SCAF11: variants seen among roughly 807,000 people sequenced by gnomAD.
The protein encoded by SCAF11 is protein SCAF11.
SCAF11 carries 47 observed loss-of-function variants against 140.5 expected under a neutral mutation model. That is an observed-to-expected ratio of 0.33 (90% CI 0.26 to 0.43). The LOEUF (loss-of-function observed/expected upper bound fraction) is 0.43. SCAF11 is among the 20% of genes least tolerant of loss of function. SCAF11 has a pLI of 1.00. For missense variants in SCAF11, 1,645 were observed against 1,705.1 expected (o/e 0.96, Z 0.62); for synonymous variants, 557 against 579.4 (o/e 0.96, Z 0.55).
rs1180178809 is a variant in SCAF11 at position 45,923,134 on chromosome 12, A to G, written c.3927T>C (p.His1309=). The change falls in exon 13 of 15, where the codon CAT becomes CAC. Residue 1309 remains histidine (H), a synonymous_variant. Transcript: ENST00000369367. The stretch of plus-strand genomic sequence containing the variant: ...CTGGTGTACTCATGTTATTACTTAC[A>G]TGAGAAGAACTAGGAATACCCTGTT... The part of the protein sequence containing the change: ...KQLQGIPSSS[H]VSNNMSTPVL... The G allele has an allele frequency of 1.2e-6, 2 of 1,613,922 alleles. No homozygotes were observed. The highest frequency in any genetic ancestry group is 1.1e-5 in the South Asian group (1 of 91,084).
chr12:45,925,400 C>T (rs549640148), intron 11 of SCAF11, among the ~76,000 whole-genome samples: 1 of 152,040 alleles, frequency 6.6e-6, no homozygotes, highest in South Asian at 2.1e-4. Context: ...TAAAAAAATA[C>T]AAAAATTAGC....
At chr12:45,941,578 A>C (rs1018815820) in intron 6 of SCAF11, among the ~76,000 whole-genome samples, 2 of 152,096 alleles carry the variant, frequency 1.3e-5, no homozygotes, top group Non-Finnish European at 2.9e-5. Flanking sequence ...CCCGCTCCCA[A>C]AAACCACCAC....
chr12:45,928,647 T>C lies in SCAF11; in HGVS notation c.1054A>G (p.Ser352Gly), dbSNP rs1048311568. The change falls in exon 11 of 15, where the codon AGT (serine) becomes GGT (glycine). Residue 352 changes from serine (S) to glycine (G), a missense_variant. This residue lies in a region of SCAF11 where 1,582 missense variants were observed against 1,609.2 expected (regional missense o/e 0.98). Transcript: ENST00000369367. ...DNSGCDAPGN[S>G]NPSLSVPSSA... The stretch of plus-strand genomic sequence containing the variant: ...GAGGGAACACTTAAAGATGGATTAC[T>C]GTTACCTGGGGCATCACACCCAGAA... The C allele has an allele frequency of 1.9e-6, 3 of 1,614,180 alleles. No homozygotes were observed. Among genetic ancestry groups the C allele is most frequent in the African/African-American group, 1.3e-5 (1 of 75,046 alleles).
chr12:45,943,282 C>A (rs976931743), intron 6 of SCAF11, among the ~76,000 whole-genome samples: 14 of 151,890 alleles, frequency 9.2e-5, no homozygotes, highest in African/African-American at 3.1e-4. Flanking sequence ...CAAATGCAGC[C>A]CAAAAATATT....
chr12:45,950,426 T>G (rs961569217), intron 4 of SCAF11, among the ~76,000 whole-genome samples: 1 of 152,142 alleles, frequency 6.6e-6, no homozygotes, highest in East Asian at 1.9e-4. Context: ...AACTTTTAAG[T>G]AAAATACAAA....
At chr12:45,990,948 T>C (rs749482153), upstream of SCAF11, among the ~76,000 whole-genome samples, 3 of 152,356 alleles carry the variant, frequency 2.0e-5, no homozygotes, top group African/African-American at 2.4e-5. Flanking sequence ...CTGCCCTCCT[T>C]TGGCAGTTTT....
intron 1 of SCAF11, among the ~76,000 whole-genome samples, chr12:45,972,090 C>A (rs1946086263): frequency 6.6e-6 from 1 of 152,250 alleles, no homozygotes; most frequent in Non-Finnish European, 1.5e-5. Flanking sequence ...AAGCAGCATA[C>A]CACCGACTCT....
intron 5 of SCAF11, among the ~76,000 whole-genome samples, chr12:45,945,940 C>T (rs894257269): frequency 2.0e-5 from 3 of 152,150 alleles, no homozygotes; most frequent in African/African-American, 7.2e-5. Context: ...GATTCTCCCC[C>T]TCAGCCTCCC....
intron 6 of SCAF11, among the ~76,000 whole-genome samples, chr12:45,937,086 T>C (rs1373078298): frequency 6.6e-6 from 1 of 152,162 alleles, no homozygotes; most frequent in Non-Finnish European, 1.5e-5. Context: ...TATTTCTTCA[T>C]ATCTGGACAC....
Position 45,928,107 on chromosome 12 carries a change from G to A in SCAF11, c.1594C>T (p.Leu532Phe), listed in dbSNP as rs150090658. Residue 532 changes from leucine to phenylalanine, a missense_variant, in exon 11 of 15, where the codon CTT becomes TTT. Physicochemically the swap from Leu to Phe is conservative, Grantham distance 22 (BLOSUM62 0). Coordinates refer to ENST00000369367, the MANE Select transcript of SCAF11 (RefSeq NM_004719.3). ...TCTGTCTTTACCTCTGATTGTGAAA[G>A]TCCAGATATCTGGTCTTGCTTTTCC... is the stretch of plus-strand genomic sequence containing the variant. ...PLEKQDQISG[L>F]SQSEVKTDVC... The A allele has an allele frequency of 6.2e-7, 1 of 1,613,942 alleles. No homozygotes were observed. Among genetic ancestry groups the A allele is most frequent in the Non-Finnish European group, 8.5e-7 (1 of 1,179,986 alleles).
intron 6 of SCAF11, among the ~76,000 whole-genome samples, chr12:45,941,242 C>T (rs1234002152): frequency 6.6e-6 from 1 of 152,086 alleles, no homozygotes; most frequent in Non-Finnish European, 1.5e-5. Flanking sequence ...GTCGTAGACA[C>T]CTTACTTATC....
At chr12:45,990,685 G>T, upstream of SCAF11, 1 of 882,262 alleles carries the variant, frequency 1.1e-6, no homozygotes, top group Non-Finnish European at 1.5e-6. Context: ...GCGGCAGCCG[G>T]ACTCGCCACA....
intron 4 of SCAF11, among the ~76,000 whole-genome samples, chr12:45,949,314 T>C (rs994627030): frequency 1.3e-5 from 2 of 152,112 alleles, no homozygotes; most frequent in Non-Finnish European, 1.5e-5. Flanking sequence ...AAGTATAAAA[T>C]AGACACAAGA....
intron 3 of SCAF11, among the ~76,000 whole-genome samples, chr12:45,952,235 C>G (rs1945567017): frequency 6.6e-6 from 1 of 152,188 alleles, no homozygotes; most frequent in Non-Finnish European, 1.5e-5. Context: ...TAGATGGCCA[C>G]TCCAGAGGCA....
intron 1 of SCAF11, among the ~76,000 whole-genome samples, chr12:45,982,339 G>A (rs1275908003): frequency 6.6e-6 from 1 of 152,076 alleles, no homozygotes; most frequent in Non-Finnish European, 1.5e-5. Context: ...CATTATAACA[G>A]CTTACAGAAT....
Position 45,990,474 on chromosome 12 carries a change from G to A in SCAF11, c.-143C>T, listed in dbSNP as rs1946571473. 1 of 1,231,828 alleles carries A rather than the reference G, an allele frequency of 8.1e-7. No individual in the cohort carries two copies. Among genetic ancestry groups the A allele is most frequent in the Non-Finnish European group, 1.0e-6 (1 of 988,108 alleles). The allele number at this position is 1,231,828 out of a possible 1,614,324, so 76.3% of individuals were successfully genotyped here. A position where few individuals can be genotyped will look rare whatever the true frequency, so the allele number is the denominator to read the frequency against. ...TTCGTCCGCTTTGTGGTGTTACAGG[G>A]TCTCTAGGACACTGACTCCGCTGGC... On this transcript the variant is annotated 5_prime_UTR_variant, in exon 1 of 15. Coordinates refer to ENST00000369367, the MANE Select transcript of SCAF11 (RefSeq NM_004719.3).
Position 45,927,403 on chromosome 12 carries a change from C to T in SCAF11, c.2298G>A (p.Lys766=), listed in dbSNP as rs566734760. The T allele has an allele frequency of 1.9e-5, 31 of 1,613,948 alleles. No individual in the cohort carries two copies. In the South Asian group the frequency reaches 3.1e-4, roughly 16 times the overall value. The change falls in exon 11 of 15, where the codon AAG becomes AAA. Residue 766 remains lysine, a synonymous_variant. Coordinates refer to ENST00000369367, the MANE Select transcript of SCAF11 (RefSeq NM_004719.3). The part of the protein sequence containing the change: ...NMPSSDLADE[K]VETVSQPSES... ...CAGATGGTTGAGAAACAGTTTCAAC[C>T]TTTTCATCCGCAAGATCAGAAGACG... is the stretch of plus-strand genomic sequence containing the variant.
chr12:45,963,190 A>G (rs117473958), intron 2 of SCAF11, among the ~76,000 whole-genome samples: 1,597 of 152,322 alleles, frequency 0.01, 16 homozygotes, highest in Non-Finnish European at 0.018. Context: ...AGAATAAAGG[A>G]AAGGCAACAA....
chr12:45,934,401 A>T, intron 7 of SCAF11, 46 bp downstream of exon 7: 1 of 1,465,178 alleles, frequency 6.8e-7, no homozygotes, highest in South Asian at 1.2e-5. Flanking sequence ...AAATAACCCT[A>T]AAGTGTTATC....
Sources: allele counts gnomAD v4.1 joint callset (sites outside exome capture counted in the v4.1 genomes callset), GRCh38; gene constraint gnomAD v4.1.1; regional missense constraint gnomAD v4.1.1; transcripts MANE v1.5; gene names NCBI Gene and HGNC (gene_info 2026-07-23, HGNC 2026-07-21).